PJA2: variants seen among roughly 807,000 people sequenced by gnomAD.
PJA2 encodes the protein praja ring finger ubiquitin ligase 2, also known as E3 ubiquitin-protein ligase Praja-2.
Under a neutral mutation model 69.3 loss-of-function variants are expected in PJA2, and 25 were observed. The ratio of observed to expected loss-of-function variants is 0.36; its 90% CI spans 0.26 to 0.50. The LOEUF is 0.50. Ranked by LOEUF, PJA2 falls within the 20% of genes least tolerant of loss-of-function variation. PJA2 has a pLI of 0.96. For synonymous variants in PJA2, 308 were observed against 277.8 expected (o/e 1.11, Z -1.08); for missense variants, 809 against 830.2 (o/e 0.97, Z 0.31).
At chr5:109,363,203 AT>A (rs1254791597) in intron 5 of PJA2, among the ~76,000 whole-genome samples, 181 bp from the exon 6 acceptor site, 2 of 152,214 alleles carry the variant, frequency 1.3e-5, no homozygotes, top group African/African-American at 4.8e-5. Context: ...GAAATCAGTT[AT>A]AGGGTCATAT....
chr5:109,389,755 C>T (rs576414801), intron 1 of PJA2, among the ~76,000 whole-genome samples: 16 of 152,114 alleles, frequency 1.1e-4, no homozygotes, highest in Admixed American at 8.5e-4. Context: ...TACCTCTAAG[C>T]ATTGCTTCAG....
intron 1 of PJA2, among the ~76,000 whole-genome samples, chr5:109,387,251 ATC>A (rs1049680564): frequency 2.0e-5 from 3 of 152,260 alleles, no homozygotes; most frequent in African/African-American, 7.2e-5. Flanking sequence ...ATAGACTAGA[ATC>A]TCTCTGTAGA....
chr5:109,366,536 T>A (rs1582603488), intron 5 of PJA2, among the ~76,000 whole-genome samples: 1 of 152,244 alleles, frequency 6.6e-6, no homozygotes, highest in East Asian at 1.9e-4. Context: ...CTGACCACTT[T>A]AATATCTTCA....
intron 5 of PJA2, among the ~76,000 whole-genome samples, chr5:109,366,546 A>G (rs1762587954): frequency 6.6e-6 from 1 of 152,214 alleles, no homozygotes; most frequent in African/African-American, 2.4e-5. Flanking sequence ...TAATATCTTC[A>G]TCATTTACCT....
At chr5:109,340,125 G>A (rs1414452579) in intron 9 of PJA2, among the ~76,000 whole-genome samples, 1 of 152,128 alleles carries the variant, frequency 6.6e-6, no homozygotes, top group Non-Finnish European at 1.5e-5. Context: ...TTTGTAACTT[G>A]CACCATAAGT....
rs1561341003 is a variant in PJA2, at chr5:109,344,746, A to G, written c.1838T>C (p.Ile613Thr). Reference sequence around the variant, plus strand: ...AACAAGGGTCTCTGGAAGACCATCAATGCTTTCCTTACTAGCTGGTGGATT... The same window carrying G: ...AACAAGGGTCTCTGGAAGACCATCAGTGCTTTCCTTACTAGCTGGTGGATT... ...VANPPASKES[I>T]DGLPETLVLE... Residue 613 changes from isoleucine (I) to threonine (T), a missense_variant, in exon 8 of 10, where the codon ATT (isoleucine) becomes ACT (threonine). Physicochemically the swap from Ile to Thr is moderately conservative, Grantham distance 89. Coordinates refer to ENST00000361189, the MANE Select transcript of PJA2 (RefSeq NM_014819.5). The G allele has an allele frequency of 1.2e-6, 2 of 1,614,090 alleles. No individual in the cohort carries two copies. The highest frequency in any genetic ancestry group is 1.3e-5 in the African/African-American group (1 of 75,056).
chr5:109,363,550 A>C (rs1762533333), intron 5 of PJA2, among the ~76,000 whole-genome samples: 1 of 152,064 alleles, frequency 6.6e-6, no homozygotes, highest in Non-Finnish European at 1.5e-5. Flanking sequence ...CTCTACCTAA[A>C]ATGTTCTTGC....
chr5:109,340,434 G>A (rs1762021392), intron 9 of PJA2, among the ~76,000 whole-genome samples: 1 of 151,734 alleles, frequency 6.6e-6, no homozygotes, highest in Admixed American at 6.6e-5. Context: ...GAGAAAAAAA[G>A]CACTGGTTTA....
chr5:109,396,419 GTTCT>G (rs1747410796), intron 1 of PJA2, among the ~76,000 whole-genome samples: 1 of 130,768 alleles, frequency 7.6e-6, no homozygotes, highest in East Asian at 2.2e-4. Flanking sequence ...AACATGTAAA[GTTCT>G]TTTTTTTTTT....
At position 109,337,212 on chromosome 5, in the gene PJA2, T is replaced by A. The variant is rs1245288551; in HGVS notation, c.*19A>T. 1 of 1,610,850 alleles carries A rather than the reference T, an allele frequency of 6.2e-7. No homozygotes were observed. Among genetic ancestry groups the A allele is most frequent in the Non-Finnish European group, 8.5e-7 (1 of 1,178,876 alleles). On this transcript the variant is annotated 3_prime_UTR_variant, in exon 10 of 10. Transcript: ENST00000361189. ...GCAGATTTACTTTGATACACTGATC[T>A]CATTTCAACTGTCAAGGTTTAGGGT...
intron 9 of PJA2, among the ~76,000 whole-genome samples, chr5:109,342,473 T>G (rs1473185562): frequency 1.0e-5 from 1 of 98,872 alleles, no homozygotes; most frequent in African/African-American, 4.4e-5. Flanking sequence ...GGGAGGGAGG[T>G]GGGGGGGTCA....
chr5:109,376,252 T>C (rs1224651443), intron 4 of PJA2, among the ~76,000 whole-genome samples: 2 of 33,200 alleles, frequency 6.0e-5, no homozygotes, highest in African/African-American at 1.6e-4. Context: ...CTATATATTG[T>C]TTGTAAAAAA....
intron 1 of PJA2, among the ~76,000 whole-genome samples, chr5:109,394,194 C>A (rs1287975944): frequency 1.3e-5 from 2 of 151,656 alleles, no homozygotes; most frequent in African/African-American, 4.8e-5. Context: ...ATTATAGGTA[C>A]CCGCCACCAT....
At chr5:109,360,159 G>A (rs993038614) in intron 6 of PJA2, among the ~76,000 whole-genome samples, 6 of 152,098 alleles carry the variant, frequency 3.9e-5, no homozygotes, top group African/African-American at 1.4e-4. Context: ...TATCCACACA[G>A]AATTAACTTC....
intron 7 of PJA2, among the ~76,000 whole-genome samples, chr5:109,345,540 T>C (rs1284319071): frequency 3.4e-5 from 5 of 147,268 alleles, no homozygotes; most frequent in Non-Finnish European, 6.0e-5. Flanking sequence ...AAAAACTACC[T>C]TGTCTCAATA....
At chr5:109,372,906 A>AAC (rs1491323116) in intron 4 of PJA2, among the ~76,000 whole-genome samples, 4 of 19,744 alleles carry the variant, frequency 2.0e-4, no homozygotes, top group African/African-American at 1.5e-3. Context: ...ACTCCGTCTC[A>AAC]AAAAAAAAAA....
intron 9 of PJA2, among the ~76,000 whole-genome samples, chr5:109,339,526 G>C (rs553062888): frequency 1.3e-5 from 2 of 152,184 alleles, no homozygotes; most frequent in Admixed American, 6.5e-5. Context: ...AGACAACAAG[G>C]GTTGAAGGTC....
intron 2 of PJA2, 53 bp downstream of exon 2, chr5:109,383,350 A>G: frequency 6.5e-7 from 1 of 1,548,064 alleles, no homozygotes; most frequent in Non-Finnish European, 8.9e-7. Context: ...TACTCAAGGT[A>G]CCCAGAGGAA....
chr5:109,342,008 T>G (rs1475130629), intron 9 of PJA2, among the ~76,000 whole-genome samples: 13 of 90,698 alleles, frequency 1.4e-4, no homozygotes, highest in South Asian at 8.5e-4. Context: ...GGTGGGGGGG[T>G]CGGCCCCCCG....
Sources: gnomAD v4.1 joint callset for allele counts (sites outside exome capture counted in the v4.1 genomes callset) on GRCh38, gnomAD v4.1.1 for gene constraint, MANE v1.5 for transcripts, NCBI Gene and HGNC (gene_info 2026-07-23, HGNC 2026-07-21) for gene names.